The following TOM1L2 variants were observed in gnomAD, a reference collection of about 807,000 sequenced individuals.
TOM1L2 encodes target of myb1 like 2 membrane trafficking protein.
TOM1L2 carries 31 observed loss-of-function variants against 67.9 expected under a neutral mutation model. The ratio of observed to expected loss-of-function variants is 0.46; its 90% CI spans 0.34 to 0.62. TOM1L2 has a LOEUF of 0.62. Among genes scored for constraint, TOM1L2 ranks in the 20% least tolerant of loss-of-function variants. TOM1L2 has a pLI of 0.01. For synonymous variants in TOM1L2, 256 were observed against 254.0 expected, an observed-to-expected ratio of 1.01 and a Z score of -0.07; for missense variants, 606 against 663.5, an observed-to-expected ratio of 0.91 and a Z score of 0.95.
chr17:17,852,212 A>C lies in TOM1L2; in HGVS notation c.1279-1260T>G, dbSNP rs1346188719. ...AGGAATGCATACCCCAGTGTCTATC[A>C]AATGTAAAAAATAACACGACCTTCA... is the stretch of plus-strand genomic sequence containing the variant. On this transcript the variant is annotated intron_variant, in intron 12 of 14. Coordinates refer to ENST00000379504, the MANE Select transcript of TOM1L2 (RefSeq NM_001082968.2). Among the ~76,000 whole-genome samples, 7 of 152,234 alleles carry C rather than the reference A, an allele frequency of 4.6e-5. No individual in the cohort carries two copies. In the East Asian group the frequency reaches 1.3e-3, roughly 29 times the overall value.
intron 12 of TOM1L2, among the ~76,000 whole-genome samples, chr17:17,851,985 T>A (rs1272914197): frequency 6.6e-6 from 1 of 152,214 alleles, no homozygotes; most frequent in Non-Finnish European, 1.5e-5. Flanking sequence ...GAAGCCATGT[T>A]AATGGAATGT....
intron 7 of TOM1L2, among the ~76,000 whole-genome samples, chr17:17,876,996 A>G (rs748596966): frequency 9.9e-5 from 15 of 152,234 alleles, no homozygotes; most frequent in Non-Finnish European, 1.8e-4. Flanking sequence ...GCTCAAGAGG[A>G]GGAGTTGCTG....
rs980917314 is a variant in TOM1L2, at chr17:17,893,652, C to T, written c.366+9G>A. 2 of 1,612,012 alleles carry T rather than the reference C, an allele frequency of 1.2e-6. No individual in the cohort carries two copies. The highest frequency in any genetic ancestry group is 1.7e-5 in the Admixed American group (1 of 59,794). On this transcript the variant is annotated intron_variant, in intron 4 of 14. Transcript: ENST00000379504. ...TGTTCCAACAAATTGGGCAAGGGGT[C>T]CAACCTACCTGGATCAGAGCAAGCA...
At chr17:17,936,906 T>G (rs1481348971) in intron 1 of TOM1L2, among the ~76,000 whole-genome samples, 3 of 152,206 alleles carry the variant, frequency 2.0e-5, no homozygotes, top group Non-Finnish European at 4.4e-5. Context: ...GGAAAAAGGC[T>G]TTTTAACAGT....
At chr17:17,907,309 G>A in intron 2 of TOM1L2, 138 bp downstream of exon 2, 1 of 690,104 alleles carries the variant, frequency 1.4e-6, no homozygotes, top group Non-Finnish European at 2.4e-6. Flanking sequence ...ATAATTCAGA[G>A]TGTCAGCTTA....
chr17:17,855,326 G>A (rs770812967), intron 12 of TOM1L2, among the ~76,000 whole-genome samples: 22 of 152,114 alleles, frequency 1.4e-4, no homozygotes, highest in Non-Finnish European at 2.8e-4. Flanking sequence ...AGGGAGTCCC[G>A]CCCTCCAAAC....
chr17:17,923,173 G>A (rs900446580), intron 1 of TOM1L2, among the ~76,000 whole-genome samples: 8 of 152,118 alleles, frequency 5.3e-5, no homozygotes, highest in African/African-American at 9.7e-5. Context: ...CAAGGCAGGC[G>A]GATCGCCTGA....
intron 8 of TOM1L2, chr17:17,869,105 A>G: frequency 1.4e-6 from 1 of 702,154 alleles, no homozygotes; most frequent in Non-Finnish European, 2.2e-6. Flanking sequence ...GAGGCTTACA[A>G]AGGGCAGAGC....
At chr17:17,896,258 T>C (rs977700196) in intron 3 of TOM1L2, among the ~76,000 whole-genome samples, 26 of 151,986 alleles carry the variant, frequency 1.7e-4, no homozygotes, top group African/African-American at 6.3e-4. Context: ...AGTGGGGTGT[T>C]GGGGTCAAGG....
intron 2 of TOM1L2, among the ~76,000 whole-genome samples, chr17:17,899,597 C>G (rs2038744524): frequency 6.6e-6 from 1 of 152,216 alleles, no homozygotes; most frequent in South Asian, 2.1e-4. Flanking sequence ...TATTCTAACT[C>G]AGGATTCAAC....
chr17:17,934,407 A>G (rs1378835022), intron 1 of TOM1L2, among the ~76,000 whole-genome samples: 1 of 152,166 alleles, frequency 6.6e-6, no homozygotes, highest in Non-Finnish European at 1.5e-5. Flanking sequence ...GATGTCATTA[A>G]ATCCAGCCAG....
At chr17:17,851,089 GCA>G in intron 12 of TOM1L2, 137 bp from the exon 13 acceptor site, 1 of 906,224 alleles carries the variant, frequency 1.1e-6, no homozygotes, top group Non-Finnish European at 1.7e-6. Context: ...AACACAATTG[GCA>G]CAGCACACAG....
At chr17:17,967,243 GC>G (rs2041905209) in intron 1 of TOM1L2, among the ~76,000 whole-genome samples, 2 of 152,222 alleles carry the variant, frequency 1.3e-5, no homozygotes, top group Non-Finnish European at 2.9e-5. Context: ...CAGAATATCT[GC>G]TTCTTGCCTG....
intron 1 of TOM1L2, among the ~76,000 whole-genome samples, chr17:17,917,268 G>A (rs1168270189): frequency 1.3e-5 from 2 of 151,898 alleles, no homozygotes; most frequent in Non-Finnish European, 2.9e-5. Flanking sequence ...GGAGGCAGAG[G>A]TTGCAAAATG....
chr17:17,901,069 G>A (rs1383379471), intron 2 of TOM1L2, among the ~76,000 whole-genome samples: 2 of 152,236 alleles, frequency 1.3e-5, no homozygotes, highest in Non-Finnish European at 2.9e-5. Context: ...TGGGAAATCA[G>A]ACAGTCAGCA....
At position 17,957,880 on chromosome 17, in the gene TOM1L2, G is replaced by A. The variant is rs534355883; in HGVS notation, c.52+14382C>T. 8.5e-4 allele frequency among the ~76,000 whole-genome samples: 129 copies of A among 151,842 alleles called. 1 individual carries two copies. The highest frequency in any genetic ancestry group is 1.3e-3 in the Non-Finnish European group (86 of 67,962). On this transcript the variant is annotated intron_variant, in intron 1 of 14. Transcript: ENST00000379504. Reference sequence around the variant, plus strand: ...CCGAGGTGGGCGGATCATGAGGTCCGGAGATCAAGACCATCCTGGCTAACA... The same window carrying A: ...CCGAGGTGGGCGGATCATGAGGTCCAGAGATCAAGACCATCCTGGCTAACA...
At chr17:17,965,080 C>T (rs1458842700) in intron 1 of TOM1L2, among the ~76,000 whole-genome samples, 3 of 152,098 alleles carry the variant, frequency 2.0e-5, no homozygotes, top group African/African-American at 7.2e-5. Context: ...CTGACATCCC[C>T]CCTCCTTCCC....
intron 1 of TOM1L2, among the ~76,000 whole-genome samples, chr17:17,927,184 A>G (rs989995382): frequency 2.0e-4 from 30 of 152,266 alleles, no homozygotes; most frequent in African/African-American, 7.2e-4. Flanking sequence ...CACTAAAAAA[A>G]CCAACAGCAT....
At chr17:17,851,081 C>T (rs1182489382) in intron 12 of TOM1L2, 129 bp from the exon 13 acceptor site, 5 of 961,522 alleles carry the variant, frequency 5.2e-6, no homozygotes, top group Admixed American at 2.0e-5. Flanking sequence ...AGCAAAAAAA[C>T]ACAATTGGCA....
Sources: gnomAD v4.1 joint callset for allele counts (sites outside exome capture counted in the v4.1 genomes callset) on GRCh38, gnomAD v4.1.1 for gene constraint, MANE v1.5 for transcripts, NCBI Gene and HGNC (gene_info 2026-07-23, HGNC 2026-07-21) for gene names.